PCDHGA7: variants seen among roughly 807,000 people sequenced by gnomAD.
PCDHGA7 encodes protocadherin gamma-A7.
Under a neutral mutation model 58.3 loss-of-function variants are expected in PCDHGA7, and 44 were observed. The observed-to-expected ratio is 0.75, with a 90% CI of 0.59 to 0.97. PCDHGA7 has a LOEUF of 0.97. Ranked by LOEUF, PCDHGA7 falls within the 50% of genes least tolerant of loss-of-function variation. The probability of loss-of-function intolerance (pLI) is 0.00; values close to 1 mark genes in which losing one functional copy is unlikely to be tolerated. For synonymous variants in PCDHGA7, 516 were observed against 504.2 expected, an observed-to-expected ratio of 1.02 and a Z score of -0.31; for missense variants, 1,266 against 1,188.7, an observed-to-expected ratio of 1.06 and a Z score of -0.96.
chr5:141,400,694 C>G, intron 1 of PCDHGA7: 2 of 763,776 alleles, frequency 2.6e-6, no homozygotes, highest in Non-Finnish European at 4.2e-6. Flanking sequence ...GTTTTTATGT[C>G]GCATAAAAGA....
rs1012277194 is a variant in PCDHGA7 at position 141,383,492 on chromosome 5, G to A, written c.593G>A (p.Arg198Gln). 4 of 1,613,060 alleles carry A rather than the reference G, an allele frequency of 2.5e-6. No individual in the cohort carries two copies. Among genetic ancestry groups the A allele is most frequent in the African/African-American group, 2.7e-5 (2 of 74,888 alleles). Reference protein sequence around the residue: ...ETKYPELVLERVLDREEERVH... With the variant: ...ETKYPELVLEQVLDREEERVH... The stretch of plus-strand genomic sequence containing the variant: ...AAGTACCCGGAACTGGTGCTGGAGC[G>A]GGTGCTGGACCGGGAGGAAGAGCGG... The change falls in exon 1 of 4, where the codon CGG becomes CAG. Residue 198 changes from arginine (R) to glutamine (Q), a missense_variant. Arg to Gln is a conservative substitution (Grantham distance 43). Transcript: ENST00000518325.
intron 1 of PCDHGA7, chr5:141,422,952 C>A (rs759618535): frequency 6.2e-7 from 1 of 1,614,254 alleles, no homozygotes; most frequent in Non-Finnish European, 8.5e-7. Context: ...GCTCCACTGG[C>A]GTGGAGCTGG....
At chr5:141,455,583 A>G (rs1485134189) in intron 1 of PCDHGA7, among the ~76,000 whole-genome samples, 4 of 152,144 alleles carry the variant, frequency 2.6e-5, no homozygotes, top group Non-Finnish European at 2.9e-5. Context: ...CCAGCCTTTT[A>G]ATATGCAAAC....
Position 141,476,993 on chromosome 5 carries a change from C to A in PCDHGA7, c.2425-17814C>A. 6.2e-7 allele frequency: 1 copy of A among 1,614,244 alleles called. No individual in the cohort carries two copies. Among genetic ancestry groups the A allele is most frequent in the South Asian group, 1.1e-5 (1 of 91,086 alleles). Reference sequence around the variant, plus strand: ...CAGCCACAACCGCGCCGGCGTGCGGCAACTATTCGCCTTAGACCTTGTAAC... The same window carrying A: ...CAGCCACAACCGCGCCGGCGTGCGGAAACTATTCGCCTTAGACCTTGTAAC... On this transcript the variant is annotated intron_variant, in intron 1 of 3. Coordinates refer to ENST00000518325, the MANE Select transcript of PCDHGA7 (RefSeq NM_018920.4). This position sits in a 1 kb window ranked among gnomAD's most constrained non-coding sequence, Gnocchi z 7.6.
Position 141,486,672 on chromosome 5 carries a change from G to A in PCDHGA7, c.2425-8135G>A. The A allele has an allele frequency of 5.0e-6, 8 of 1,614,000 alleles. No homozygotes were observed. Among genetic ancestry groups the A allele is most frequent in the Non-Finnish European group, 5.9e-6 (7 of 1,180,028 alleles). On this transcript the variant is annotated intron_variant, in intron 1 of 3. Coordinates refer to ENST00000518325, the MANE Select transcript of PCDHGA7 (RefSeq NM_018920.4). This position sits in a 1 kb window ranked among gnomAD's most constrained non-coding sequence, Gnocchi z 5.0. Reference sequence around the variant, plus strand: ...TACTCACTCCTGGAGCCCAGGAATCGAGATGTATCAGCTTCCTCTTTCATC... The same window carrying A: ...TACTCACTCCTGGAGCCCAGGAATCAAGATGTATCAGCTTCCTCTTTCATC...
chr5:141,387,926 G>A (rs888934094), intron 1 of PCDHGA7: 1 of 1,236,078 alleles, frequency 8.1e-7, no homozygotes, highest in South Asian at 1.5e-5. Context: ...CTGAGAGGCT[G>A]CCAGTGCTCT....
Position 141,477,917 on chromosome 5 carries a change from G to C in PCDHGA7, c.2425-16890G>C. 6.2e-7 allele frequency: 1 copy of C among 1,614,186 alleles called. No individual in the cohort carries two copies. The highest frequency in any genetic ancestry group is 2.2e-5 in the East Asian group (1 of 44,868). On this transcript the variant is annotated intron_variant, in intron 1 of 3. Transcript: ENST00000518325. The surrounding 1 kb of genome is among the most constrained non-coding windows in gnomAD (Gnocchi z 4.9). ...GGTGGTAGGCTGGGACGCGGATGCA[G>C]GGCACAATGCCTGGCTCTCCTACAG...
chr5:141,400,352 G>A (rs1214813312), intron 1 of PCDHGA7: 2 of 1,614,044 alleles, frequency 1.2e-6, no homozygotes, highest in Non-Finnish European at 1.7e-6. Flanking sequence ...TACAGTCAGG[G>A]GACTTTGCCT....
rs1036344847 is a variant in PCDHGA7 at position 141,424,050 on chromosome 5, C to G, written c.2424+38727C>G. 9.9e-6 allele frequency: 10 copies of G among 1,014,084 alleles called. No homozygotes were observed. The African/African-American group carries it at 1.6e-4, about 16-fold the overall frequency. The allele number at this position is 1,014,084 out of a possible 1,614,324, so 62.8% of individuals were successfully genotyped here. A position where few individuals can be genotyped will look rare whatever the true frequency, so the allele number is the denominator to read the frequency against. ...ACTTTTTATTTCCATTTCAATTTTG[C>G]TGTGCCTTCACTGATTTGTAGTTAT... On this transcript the variant is annotated intron_variant, in intron 1 of 3. Coordinates refer to ENST00000518325, the MANE Select transcript of PCDHGA7 (RefSeq NM_018920.4).
chr5:141,427,994 C>T, intron 1 of PCDHGA7: 1 of 1,599,396 alleles, frequency 6.3e-7, no homozygotes, highest in Non-Finnish European at 8.6e-7. Flanking sequence ...CCGATGGCTC[C>T]GCACTCTTCG....
rs373297942 is a variant in PCDHGA7, at chr5:141,431,494, C to T, written c.2424+46171C>T. On this transcript the variant is annotated intron_variant, in intron 1 of 3. Coordinates refer to ENST00000518325, the MANE Select transcript of PCDHGA7 (RefSeq NM_018920.4). This position sits in a 1 kb window ranked among gnomAD's most constrained non-coding sequence, Gnocchi z 4.8. ...ACAACGCACCAGCGTTTGCTCAGCC[C>T]GAGTACCGCGCGAGCGTTCCGGAGA... 107 of 1,613,838 alleles carry T rather than the reference C, an allele frequency of 6.6e-5. No homozygotes were observed. Among genetic ancestry groups the T allele is most frequent in the Middle Eastern group, 1.6e-4 (1 of 6,084 alleles).
At chr5:141,389,191 T>G in intron 1 of PCDHGA7, 1 of 1,614,050 alleles carries the variant, frequency 6.2e-7, no homozygotes, top group African/African-American at 1.3e-5. Context: ...AGTTCCAGCA[T>G]CACCCTGCAC....
intron 1 of PCDHGA7, chr5:141,418,165 T>G (rs1296752918): frequency 6.2e-7 from 1 of 1,614,034 alleles, no homozygotes. Flanking sequence ...GAAGAAGATG[T>G]GAGTTGCAAT....
chr5:141,383,849 T>C lies in PCDHGA7; in HGVS notation c.950T>C (p.Met317Thr), dbSNP rs757932608. 5.6e-6 allele frequency: 9 copies of C among 1,613,952 alleles called. No homozygotes were observed. Among genetic ancestry groups the C allele is most frequent in the South Asian group, 4.4e-5 (4 of 91,084 alleles). ...LDYEETAFYE[M>T]EVQAQDGPGS... ...TATGAAGAAACTGCCTTCTATGAAATGGAGGTTCAGGCTCAAGATGGTCCT... is the reference window on the plus strand; with the variant it reads ...TATGAAGAAACTGCCTTCTATGAAACGGAGGTTCAGGCTCAAGATGGTCCT... Residue 317 changes from methionine (M) to threonine (T), a missense_variant, in exon 1 of 4, where the codon ATG becomes ACG. Met to Thr is a moderately conservative substitution (Grantham distance 81, BLOSUM62 -1). Transcript: ENST00000518325.
Position 141,432,831 on chromosome 5 carries a change from T to C in PCDHGA7, c.2424+47508T>C. 1 of 1,614,206 alleles carries C rather than the reference T, an allele frequency of 6.2e-7. No individual in the cohort carries two copies. Among genetic ancestry groups the C allele is most frequent in the Non-Finnish European group, 8.5e-7 (1 of 1,180,006 alleles). ...AACTCTGAAACCTCAGACCTCACTC[T>C]GTACCTGGTGGTAGCGGTGGCCGCG... On this transcript the variant is annotated intron_variant, in intron 1 of 3. Coordinates refer to ENST00000518325, the MANE Select transcript of PCDHGA7 (RefSeq NM_018920.4). The surrounding 1 kb of genome is among the most constrained non-coding windows in gnomAD (Gnocchi z 6.0).
intron 2 of PCDHGA7, among the ~76,000 whole-genome samples, chr5:141,502,107 C>T (rs1292131951): frequency 6.6e-6 from 1 of 152,192 alleles, no homozygotes; most frequent in East Asian, 1.9e-4. Context: ...TGACCCTGCA[C>T]CCTCAGCCAG....
chr5:141,422,699 C>G (rs765368737), intron 1 of PCDHGA7: 2 of 1,603,420 alleles, frequency 1.2e-6, no homozygotes, highest in South Asian at 1.1e-5. Context: ...GTCACTTACT[C>G]TCTGACGGAT....
intron 2 of PCDHGA7, among the ~76,000 whole-genome samples, chr5:141,501,838 G>A (rs888418141): frequency 6.6e-6 from 1 of 152,000 alleles, no homozygotes; most frequent in African/African-American, 2.4e-5. Flanking sequence ...CACCTGTTTG[G>A]CCCTCAACCT....
intron 1 of PCDHGA7, chr5:141,399,954 G>A (rs1327007587): frequency 3.7e-6 from 6 of 1,612,110 alleles, no homozygotes; most frequent in Non-Finnish European, 4.2e-6. Context: ...AGGCTAGCGA[G>A]CCCGGGCTCT....
Sources: gnomAD v4.1 joint callset for allele counts (sites outside exome capture counted in the v4.1 genomes callset) on GRCh38, gnomAD v4.1.1 for gene constraint, Gnocchi (gnomAD v3.1) non-coding constraint, MANE v1.5 for transcripts, NCBI Gene and HGNC (gene_info 2026-07-23, HGNC 2026-07-21) for gene names.